PDGFC: variants seen among roughly 807,000 people sequenced by gnomAD.
PDGFC encodes platelet-derived growth factor C.
In PDGFC, 12 loss-of-function variants were observed where a neutral mutation model predicts 35.5. The ratio of observed to expected loss-of-function variants is 0.34; its 90% CI spans 0.22 to 0.55. The LOEUF is 0.55. Ranked by LOEUF, PDGFC falls within the 20% of genes least tolerant of loss-of-function variation. PDGFC has a pLI of 0.91. For missense variants in PDGFC, 322 were observed against 412.4 expected (o/e 0.78, Z 1.90); for synonymous variants, 159 against 148.8 (o/e 1.07, Z -0.50).
At chr4:156,800,981 G>A (rs1731589163) in intron 3 of PDGFC, among the ~76,000 whole-genome samples, 1 of 152,190 alleles carries the variant, frequency 6.6e-6, no homozygotes, top group Non-Finnish European at 1.5e-5. Context: ...CCTGAACTTT[G>A]TTAAGGTGTA....
chr4:156,808,505 G>C (rs1201882713), intron 3 of PDGFC, among the ~76,000 whole-genome samples: 1 of 152,064 alleles, frequency 6.6e-6, no homozygotes, highest in South Asian at 2.1e-4. Flanking sequence ...TGATCCAGGG[G>C]CTTGGAGGGA....
At position 156,810,946 on chromosome 4, in the gene PDGFC, A is replaced by G. The variant is rs776862036; in HGVS notation, c.386T>C (p.Val129Ala). The stretch of plus-strand genomic sequence containing the variant: ...TCCTTTAGAAATCTGTTTTCCTGGT[A>G]CAGTACCAGAACCACACCAGCGCCC... Reference protein sequence around the residue: ...ILGRWCGSGTVPGKQISKGNQ... With the variant: ...ILGRWCGSGTAPGKQISKGNQ... The change falls in exon 3 of 6, where the codon GTA (valine) becomes GCA (alanine). Residue 129 changes from valine (V) to alanine (A), a missense_variant. Physicochemically the swap from Val to Ala is moderately conservative, Grantham distance 64. Transcript: ENST00000502773. 5.0e-6 allele frequency: 8 copies of G among 1,606,346 alleles called. No individual in the cohort carries two copies. In the South Asian group the frequency reaches 8.8e-5, roughly 18 times the overall value.
At chr4:156,797,823 G>T (rs1731490906) in intron 3 of PDGFC, among the ~76,000 whole-genome samples, 1 of 152,148 alleles carries the variant, frequency 6.6e-6, no homozygotes, top group Admixed American at 6.6e-5. Flanking sequence ...TACAAGAGTA[G>T]ATTACAGTCT....
At chr4:156,765,540 C>T (rs1359416252) in intron 5 of PDGFC, among the ~76,000 whole-genome samples, 1 of 152,082 alleles carries the variant, frequency 6.6e-6, no homozygotes, top group Non-Finnish European at 1.5e-5. Flanking sequence ...GGATTCAGCA[C>T]TAGAATCAGG....
chr4:156,930,220 T>C (rs1430088942), intron 1 of PDGFC, among the ~76,000 whole-genome samples: 3 of 152,228 alleles, frequency 2.0e-5, no homozygotes, highest in Non-Finnish European at 4.4e-5. Context: ...CAAAATCCTA[T>C]ATAGTTTGTC....
At chr4:156,930,028 T>C (rs531081486) in intron 1 of PDGFC, among the ~76,000 whole-genome samples, 1 of 152,340 alleles carries the variant, frequency 6.6e-6, no homozygotes, top group African/African-American at 2.4e-5. Flanking sequence ...CTAAATGAAC[T>C]GGTTGACTAA....
At chr4:156,782,781 A>G (rs955915553) in intron 3 of PDGFC, among the ~76,000 whole-genome samples, 14 of 152,180 alleles carry the variant, frequency 9.2e-5, no homozygotes, top group African/African-American at 3.1e-4. Flanking sequence ...CACACCTGAA[A>G]AGGCTTCTTC....
chr4:156,824,066 G>A (rs1383275329), intron 2 of PDGFC, among the ~76,000 whole-genome samples: 1 of 151,820 alleles, frequency 6.6e-6, no homozygotes, highest in African/African-American at 2.4e-5. Flanking sequence ...GTGGTTACCA[G>A]AGCCTAGAGG....
chr4:156,941,958 A>C (rs58737390), intron 1 of PDGFC, among the ~76,000 whole-genome samples: 416 of 152,274 alleles, frequency 2.7e-3, no homozygotes, highest in African/African-American at 8.0e-3. Context: ...AGTCTTCATA[A>C]GTTCCTGGAT....
At chr4:156,935,860 AC>A (rs1471773031) in intron 1 of PDGFC, among the ~76,000 whole-genome samples, 1 of 152,180 alleles carries the variant, frequency 6.6e-6, no homozygotes, top group Admixed American at 6.5e-5. Flanking sequence ...GTGTTAAACA[AC>A]ATGAATACAA....
intron 2 of PDGFC, among the ~76,000 whole-genome samples, chr4:156,845,231 C>A (rs927126659): frequency 6.6e-6 from 1 of 151,378 alleles, no homozygotes; most frequent in Admixed American, 6.6e-5. Context: ...ATTGGCAGGG[C>A]GCCTCTACAC....
At chr4:156,866,961 C>T (rs1403763800) in intron 1 of PDGFC, among the ~76,000 whole-genome samples, 1 of 152,064 alleles carries the variant, frequency 6.6e-6, no homozygotes, top group Admixed American at 6.6e-5. Flanking sequence ...GTACCTGCTA[C>T]TGAGTGTTGT....
intron 2 of PDGFC, among the ~76,000 whole-genome samples, chr4:156,834,982 A>C (rs1729029014): frequency 6.6e-6 from 1 of 152,082 alleles, no homozygotes; most frequent in African/African-American, 2.4e-5. Context: ...TTTTTGCCAT[A>C]TTATATTTAA....
At chr4:156,794,313 T>C (rs1319823215) in intron 3 of PDGFC, among the ~76,000 whole-genome samples, 2 of 152,100 alleles carry the variant, frequency 1.3e-5, no homozygotes, top group African/African-American at 4.8e-5. Flanking sequence ...GAATGTGTGA[T>C]TTTAACTAAG....
chr4:156,966,779 C>T (rs539029975), intron 1 of PDGFC, among the ~76,000 whole-genome samples: 10 of 152,268 alleles, frequency 6.6e-5, no homozygotes, highest in East Asian at 3.9e-4. Context: ...ATTTAACAAA[C>T]GATATATTAG....
chr4:156,853,428 A>G (rs1463650754), intron 1 of PDGFC, among the ~76,000 whole-genome samples: 2 of 152,210 alleles, frequency 1.3e-5, no homozygotes, highest in Non-Finnish European at 2.9e-5. Flanking sequence ...ATATAATTAA[A>G]TAACTGAATG....
intron 1 of PDGFC, among the ~76,000 whole-genome samples, chr4:156,883,151 A>G (rs1208517255): frequency 6.6e-6 from 1 of 151,084 alleles, no homozygotes; most frequent in Non-Finnish European, 1.5e-5. Flanking sequence ...CCCTAGCTGT[A>G]GTACCATTTC....
At chr4:156,878,589 T>C (rs1730170032) in intron 1 of PDGFC, among the ~76,000 whole-genome samples, 1 of 152,192 alleles carries the variant, frequency 6.6e-6, no homozygotes, top group South Asian at 2.1e-4. Flanking sequence ...TAAGATTTTG[T>C]AATATTTGCA....
Position 156,766,713 on chromosome 4 carries a change from G to A in PDGFC, c.921+1060C>T, listed in dbSNP as rs574019988. 3.9e-5 allele frequency among the ~76,000 whole-genome samples: 6 copies of A among 152,120 alleles called. No individual in the cohort carries two copies. In the East Asian group the frequency reaches 1.2e-3, roughly 29 times the overall value. ...AAAGTGTTCAGTGAAACCCTCATCT[G>A]TTAGGTAACCTAAACATGCATGGTT... On this transcript the variant is annotated intron_variant, in intron 5 of 5. Coordinates refer to ENST00000502773, the MANE Select transcript of PDGFC (RefSeq NM_016205.3).
Sources: allele counts gnomAD v4.1 joint callset (sites outside exome capture counted in the v4.1 genomes callset), GRCh38; gene constraint gnomAD v4.1.1; transcripts MANE v1.5; gene names NCBI Gene and HGNC (gene_info 2026-07-23, HGNC 2026-07-21).